HECTD4: variants seen among roughly 807,000 people sequenced by gnomAD.
HECTD4 encodes probable E3 ubiquitin-protein ligase HECTD4.
Under a neutral mutation model 471.5 loss-of-function variants are expected in HECTD4, and 114 were observed. That is an observed-to-expected ratio of 0.24 (90% CI 0.21 to 0.28). The LOEUF (loss-of-function observed/expected upper bound fraction) is 0.28, where lower values mean the gene tolerates loss of function less well. Ranked by LOEUF, HECTD4 falls within the 10% of genes least tolerant of loss-of-function variation. The probability of loss-of-function intolerance (pLI) is 1.00; values close to 1 mark genes in which losing one functional copy is unlikely to be tolerated. For missense variants in HECTD4, 3,866 were observed against 5,651.5 expected, an observed-to-expected ratio of 0.68 and a Z score of 10.13; for synonymous variants, 2,012 against 2,256.0, an observed-to-expected ratio of 0.89 and a Z score of 3.07.
intron 55 of HECTD4, among the ~76,000 whole-genome samples, chr12:112,199,121 C>T (rs970801905): frequency 1.3e-5 from 2 of 152,162 alleles, no homozygotes; most frequent in Non-Finnish European, 2.9e-5. Flanking sequence ...TCCTTCACAC[C>T]TGAGTTGACA....
chr12:112,328,155 T>TA (rs2035783182), intron 1 of HECTD4, among the ~76,000 whole-genome samples: 4 of 149,486 alleles, frequency 2.7e-5, no homozygotes, highest in South Asian at 2.2e-4. Flanking sequence ...TTTATTTATT[T>TA]TGAGACAGGG....
At chr12:112,164,317 G>A (rs758555503) in intron 72 of HECTD4, 42 bp from the exon 73 acceptor site, 4 of 1,581,242 alleles carry the variant, frequency 2.5e-6, no homozygotes, top group Non-Finnish European at 1.7e-6. Context: ...TGAGGCCATG[G>A]GAGGTGGAAC....
In HECTD4 at chr12:112,375,672, T is replaced by A. The variant is rs10082768; in HGVS notation, c.177+6280A>T. On this transcript the variant is annotated intron_variant, in intron 1 of 75. Coordinates refer to ENST00000682272, the MANE Select transcript of HECTD4 (RefSeq NM_001388303.1). ...ATTCCCTTTATCTTAAAAAGAATAA[T>A]GTTCTATGAAATGCAATGCAAAATG... Among the ~76,000 whole-genome samples the A allele has an allele frequency of 6.2e-3, 942 of 152,308 alleles. 11 individuals are homozygous for A. Among genetic ancestry groups the A allele is most frequent in the African/African-American group, 0.021 (886 of 41,570 alleles).
At chr12:112,321,515 T>A (rs1456670572) in intron 1 of HECTD4, among the ~76,000 whole-genome samples, 1 of 152,046 alleles carries the variant, frequency 6.6e-6, no homozygotes, top group African/African-American at 2.4e-5. Context: ...AAAGTCAGGG[T>A]GGGAAGAGGC....
At chr12:112,351,471 T>A (rs903985759) in intron 1 of HECTD4, among the ~76,000 whole-genome samples, 7 of 152,200 alleles carry the variant, frequency 4.6e-5, no homozygotes, top group African/African-American at 1.4e-4. Context: ...CCAATTTAAA[T>A]AATCTTTTAA....
Position 112,235,934 on chromosome 12 carries a change from A to C in HECTD4, c.5445-150T>G, listed in dbSNP as rs1246821633. On this transcript the variant is annotated intron_variant, in intron 35 of 75. Transcript: ENST00000682272. This position sits in a 1 kb window ranked among gnomAD's most constrained non-coding sequence, Gnocchi z 5.0. ...CACTATGCTTCTGTGAAGAATTAAG[A>C]ATTTTGGAAACATTTGATGAAACCA... 1.4e-6 allele frequency: 1 copy of C among 703,614 alleles called. No individual in the cohort carries two copies. Among genetic ancestry groups the C allele is most frequent in the African/African-American group, 1.8e-5 (1 of 55,578 alleles). The allele number at this position is 703,614 out of a possible 1,614,324, so 43.6% of individuals were successfully genotyped here. A position where few individuals can be genotyped will look rare whatever the true frequency, so the allele number is the denominator to read the frequency against.
intron 7 of HECTD4, among the ~76,000 whole-genome samples, chr12:112,291,840 C>T (rs1305838711): frequency 1.3e-5 from 2 of 152,096 alleles, no homozygotes; most frequent in African/African-American, 4.8e-5. Context: ...CCACTGCACT[C>T]CAGCCTGGGT....
At chr12:112,331,000 C>A (rs2035835983) in intron 1 of HECTD4, among the ~76,000 whole-genome samples, 1 of 152,160 alleles carries the variant, frequency 6.6e-6, no homozygotes, top group African/African-American at 2.4e-5. Flanking sequence ...GTTGGTCCCG[C>A]CCCGGTCTGG....
chr12:112,301,557 T>C (rs2035164780), intron 7 of HECTD4, among the ~76,000 whole-genome samples: 2 of 152,226 alleles, frequency 1.3e-5, no homozygotes, highest in Admixed American at 1.3e-4. Flanking sequence ...ATTAGCAAGA[T>C]TTTAGATGGA....
chr12:112,173,181 AGT>A lies in HECTD4; in HGVS notation c.11595-322_11595-321del, dbSNP rs2031298483. ...GGAGCTCCTAATAGCATCAGCCTGC[AGT>A]GTGTCACACAACTTTTTTCTCCTTA... On this transcript the variant is annotated intron_variant, in intron 66 of 75. Transcript: ENST00000682272. The surrounding 1 kb of genome is among the most constrained non-coding windows in gnomAD (Gnocchi z 4.3). 6.6e-6 allele frequency among the ~76,000 whole-genome samples: 1 copy of A among 152,166 alleles called. No homozygotes were observed. The highest frequency in any genetic ancestry group is 6.5e-5 in the Admixed American group (1 of 15,280).
chr12:112,303,364 G>A (rs1009947104), intron 7 of HECTD4, among the ~76,000 whole-genome samples: 9 of 152,174 alleles, frequency 5.9e-5, no homozygotes, highest in South Asian at 2.1e-4. Context: ...TCCCCTAAAC[G>A]TATACTTGGC....
chr12:112,216,929 G>A lies in HECTD4; in HGVS notation c.7237-8C>T. Reference sequence around the variant, plus strand: ...CCAGTAAAAAGACGGGGCCTGAAGAGATGCCAGAAGAGAGCAGCAATCAGA... The same window carrying A: ...CCAGTAAAAAGACGGGGCCTGAAGAAATGCCAGAAGAGAGCAGCAATCAGA... On this transcript the variant is annotated splice_polypyrimidine_tract_variant and splice_region_variant and intron_variant, in intron 46 of 75. Transcript: ENST00000682272. 1 of 1,612,198 alleles carries A rather than the reference G, an allele frequency of 6.2e-7. No homozygotes were observed. The highest frequency in any genetic ancestry group is 2.2e-5 in the East Asian group (1 of 44,822).
intron 40 of HECTD4, 77 bp downstream of exon 40, chr12:112,230,610 G>A: frequency 6.8e-7 from 1 of 1,463,574 alleles, no homozygotes; most frequent in Non-Finnish European, 9.1e-7. Flanking sequence ...TTACTGAAAT[G>A]CCCCTTGCTG....
chr12:112,183,316 T>TCA, intron 61 of HECTD4, 50 bp from the exon 62 acceptor site: 1 of 1,415,130 alleles, frequency 7.1e-7, no homozygotes, highest in South Asian at 1.2e-5. Flanking sequence ...GACCAGTCAT[T>TCA]CAGTGTGAGT....
chr12:112,193,305 A>G lies in HECTD4; in HGVS notation c.8956-114T>C. On this transcript the variant is annotated intron_variant, in intron 57 of 75. Coordinates refer to ENST00000682272, the MANE Select transcript of HECTD4 (RefSeq NM_001388303.1). This position sits in a 1 kb window ranked among gnomAD's most constrained non-coding sequence, Gnocchi z 5.2. ...CCAAACGACTAAATAGCCCTCTGGAAGGAAGCAAGCTACAGATGAGATAAA... is the reference window on the plus strand; with the variant it reads ...CCAAACGACTAAATAGCCCTCTGGAGGGAAGCAAGCTACAGATGAGATAAA... 1 of 1,412,716 alleles carries G rather than the reference A, an allele frequency of 7.1e-7. No homozygotes were observed. Among genetic ancestry groups the G allele is most frequent in the South Asian group, 1.3e-5 (1 of 77,298 alleles). The allele number at this position is 1,412,716 out of a possible 1,614,324, so 87.5% of individuals were successfully genotyped here.
At position 112,228,002 on chromosome 12, in the gene HECTD4, T is replaced by A. The variant is rs1332226910; in HGVS notation, c.6854+87A>T. 14 of 1,212,600 alleles carry A rather than the reference T, an allele frequency of 1.2e-5. No homozygotes were observed. Among genetic ancestry groups the A allele is most frequent in the Non-Finnish European group, 1.1e-6 (1 of 881,222 alleles). The allele number at this position is 1,212,600 out of a possible 1,614,324, so 75.1% of individuals were successfully genotyped here. A position where few individuals can be genotyped will look rare whatever the true frequency, so the allele number is the denominator to read the frequency against. Reference sequence around the variant, plus strand: ...AGCTTCAAGCTGTGGATTCACTAAGTTGGGAGTGGAGGGGCCCACCAAGGA... The same window carrying A: ...AGCTTCAAGCTGTGGATTCACTAAGATGGGAGTGGAGGGGCCCACCAAGGA... On this transcript the variant is annotated intron_variant, in intron 43 of 75. Transcript: ENST00000682272. The surrounding 1 kb of genome is among the most constrained non-coding windows in gnomAD (Gnocchi z 4.9).
At chr12:112,170,621 C>G in intron 68 of HECTD4, 169 bp from the exon 69 acceptor site, 1 of 732,160 alleles carries the variant, frequency 1.4e-6, no homozygotes, top group Non-Finnish European at 2.2e-6. Context: ...CCAGCATATA[C>G]CCTTTGTCAT....
chr12:112,259,257 C>A lies in HECTD4; in HGVS notation c.2882G>T (p.Gly961Val). 1 of 1,613,670 alleles carries A rather than the reference C, an allele frequency of 6.2e-7. No individual in the cohort carries two copies. The highest frequency in any genetic ancestry group is 8.5e-7 in the Non-Finnish European group (1 of 1,179,790). ...AGTAGCCTTAGTAACTTGTTCCAAG[C>A]CTTTTAACCTACAAAAAGTTCAAGA... Reference protein sequence around the residue: ...DIADREQRLKGLEQVTKATML... With the variant: ...DIADREQRLKVLEQVTKATML... Residue 961 changes from glycine to valine, a missense_variant, in exon 19 of 76, where the codon GGC becomes GTC. Physicochemically the swap from Gly to Val is moderately radical, Grantham distance 109. Transcript: ENST00000682272.
At position 112,328,515 on chromosome 12, in the gene HECTD4, A is replaced by AT. The variant is rs963810729; in HGVS notation, c.178-8774dup. The stretch of plus-strand genomic sequence containing the variant: ...AATAGATGCTTAAACCTTTCTACAG[A>AT]TTTTTTTTCTACCATTTTTCACATA... On this transcript the variant is annotated intron_variant, in intron 1 of 75. Transcript: ENST00000682272. Among the ~76,000 whole-genome samples the AT allele has an allele frequency of 4.6e-5, 7 of 152,156 alleles. No individual in the cohort carries two copies. In the South Asian group the frequency reaches 6.2e-4, roughly 14 times the overall value.
Sources: gnomAD v4.1 joint callset for allele counts (sites outside exome capture counted in the v4.1 genomes callset) on GRCh38, gnomAD v4.1.1 for gene constraint, Gnocchi (gnomAD v3.1) non-coding constraint, MANE v1.5 for transcripts, NCBI Gene and HGNC (gene_info 2026-07-23, HGNC 2026-07-21) for gene names.